The following MYO1B variants were observed in gnomAD, a reference collection of about 807,000 sequenced individuals.
The protein encoded by MYO1B is myosin IB.
A neutral mutation model predicts 159.7 loss-of-function variants in MYO1B; 72 were observed. That is an observed-to-expected ratio of 0.45 (90% CI 0.37 to 0.55). MYO1B has a LOEUF of 0.55. Among genes scored for constraint, MYO1B ranks in the 20% least tolerant of loss-of-function variants. The pLI is 0.00. For missense variants in MYO1B, 1,062 were observed against 1,364.8 expected (o/e 0.78, Z 3.50); for synonymous variants, 468 against 473.8 (o/e 0.99, Z 0.16).
At chr2:191,257,091 A>G (rs2356353) in intron 1 of MYO1B, among the ~76,000 whole-genome samples, 151,711 of 152,254 alleles carry the variant, frequency 1, 75,586 homozygotes, top group Non-Finnish European at 1. Flanking sequence ...TTCTTTACCT[A>G]CTGTCATGCA....
chr2:191,307,649 C>G, intron 3 of MYO1B, among the ~76,000 whole-genome samples: 1 of 152,114 alleles, frequency 6.6e-6, no homozygotes, highest in East Asian at 1.9e-4. Flanking sequence ...AGGTCAAAGG[C>G]TTAGTCCTAC....
At chr2:191,317,445 A>G (rs773142643) in intron 3 of MYO1B, among the ~76,000 whole-genome samples, 17 of 152,198 alleles carry the variant, frequency 1.1e-4, no homozygotes, top group East Asian at 1.9e-4. Flanking sequence ...AGGGCCTGCA[A>G]TGTTACTAGT....
intron 1 of MYO1B, among the ~76,000 whole-genome samples, chr2:191,275,364 C>A (rs932834580): frequency 2.0e-5 from 3 of 151,024 alleles, no homozygotes; most frequent in African/African-American, 4.9e-5. Flanking sequence ...TCTTTTTTGG[C>A]TTTTCATAGC....
intron 4 of MYO1B, among the ~76,000 whole-genome samples, chr2:191,340,732 G>GT (rs11437712): frequency 0.099 from 14,542 of 146,192 alleles, 2,271 homozygotes; most frequent in African/African-American, 0.34. Context: ...GGTTTTTGGT[G>GT]TTTTTTTTTT....
Position 191,297,008 on chromosome 2 carries a change from A to G in MYO1B, c.251+782A>G, listed in dbSNP as rs535412642. The stretch of plus-strand genomic sequence containing the variant: ...AAATATCTGAAAAAGAAAGTTGGAG[A>G]GAGAATACCCAGAAATTATCACAAA... On this transcript the variant is annotated intron_variant, in intron 3 of 30. Transcript: ENST00000392318. 2.0e-5 allele frequency among the ~76,000 whole-genome samples: 3 copies of G among 152,230 alleles called. No homozygotes were observed. The South Asian group carries it at 6.2e-4, about 32-fold the overall frequency.
chr2:191,342,528 C>A (rs1239258335), intron 5 of MYO1B, among the ~76,000 whole-genome samples: 1 of 152,144 alleles, frequency 6.6e-6, no homozygotes, highest in South Asian at 2.1e-4. Flanking sequence ...ATATCAAAGT[C>A]TTTCCCTACT....
intron 30 of MYO1B, among the ~76,000 whole-genome samples, chr2:191,422,817 TAGG>T (rs1698027363): frequency 6.6e-6 from 1 of 152,242 alleles, no homozygotes; most frequent in South Asian, 2.1e-4. Context: ...GATAATTTAA[TAGG>T]AGCCCCCTCC....
At chr2:191,400,601 C>A (rs1321720802) in intron 22 of MYO1B, 133 bp downstream of exon 22, 1 of 1,350,180 alleles carries the variant, frequency 7.4e-7, no homozygotes, top group Non-Finnish European at 1.0e-6. Flanking sequence ...TTGCTCTTTC[C>A]AACATTTTGT....
rs777990893 is a variant in MYO1B at position 191,247,287 on chromosome 2, C to T, written c.-10+1661C>T. On this transcript the variant is annotated intron_variant, in intron 1 of 30. Transcript: ENST00000392318. The stretch of plus-strand genomic sequence containing the variant: ...CTGCCTCTTTGACAAGCTGAGGGTC[C>T]GCCATTAAACCACCCCTTTGGCCAT... Among the ~76,000 whole-genome samples, 12 of 152,090 alleles carry T rather than the reference C, an allele frequency of 7.9e-5. No individual in the cohort carries two copies. The South Asian group carries it at 1.0e-3, about 13-fold the overall frequency.
At chr2:191,296,288 G>A in intron 3 of MYO1B, 62 bp downstream of exon 3, 3 of 804,086 alleles carry the variant, frequency 3.7e-6, no homozygotes, top group Non-Finnish European at 5.5e-6. Context: ...GTTGACAGAT[G>A]TGTGCAGCTG....
intron 1 of MYO1B, among the ~76,000 whole-genome samples, chr2:191,260,380 TTTGG>T (rs1686739094): frequency 2.0e-5 from 3 of 151,900 alleles, no homozygotes; most frequent in African/African-American, 7.2e-5. Context: ...TTTAAACTGT[TTTGG>T]TTGTTTTGGG....
intron 7 of MYO1B, among the ~76,000 whole-genome samples, chr2:191,351,585 T>G (rs1347111052): frequency 6.6e-6 from 1 of 152,206 alleles, no homozygotes; most frequent in Non-Finnish European, 1.5e-5. Flanking sequence ...ATTCTGTAGT[T>G]CTTAAATAAT....
At chr2:191,303,795 G>C (rs538641818) in intron 3 of MYO1B, among the ~76,000 whole-genome samples, 1 of 152,332 alleles carries the variant, frequency 6.6e-6, no homozygotes, top group Admixed American at 6.5e-5. Context: ...ACAGATTGTG[G>C]TCTGCAAGGC....
chr2:191,319,714 C>A (rs1370329269), intron 3 of MYO1B, among the ~76,000 whole-genome samples: 1 of 152,066 alleles, frequency 6.6e-6, no homozygotes, highest in Non-Finnish European at 1.5e-5. Flanking sequence ...TCTCTGGTGC[C>A]TAAGCAAAAT....
At position 191,402,662 on chromosome 2, in the gene MYO1B, G is replaced by T; in HGVS notation, c.2500G>T (p.Glu834Ter). The change falls in exon 24 of 31, where the codon GAG (glutamate) becomes TAG (stop). Residue 834 changes from glutamate (E) to a stop codon, truncating the protein, a stop_gained. Transcript: ENST00000392318. LOFTEE classifies it high-confidence loss of function. ...AAGGGAATTGAAACGCTTGAAGGAGGAGGCTAGGCGTAAGCATGCAGTTGC... is the reference window on the plus strand; with the variant it reads ...AAGGGAATTGAAACGCTTGAAGGAGTAGGCTAGGCGTAAGCATGCAGTTGC... ...ARRELKRLKE[E>*]ARRKHAVAVI... 9 of 1,613,774 alleles carry T rather than the reference G, an allele frequency of 5.6e-6. No homozygotes were observed. The highest frequency in any genetic ancestry group is 7.6e-6 in the Non-Finnish European group (9 of 1,179,792).
chr2:191,382,733 G>A (rs867143926), intron 14 of MYO1B, among the ~76,000 whole-genome samples: 19 of 152,324 alleles, frequency 1.2e-4, no homozygotes, highest in Middle Eastern at 6.8e-3. Flanking sequence ...AGAACCAGTG[G>A]ATAGATTTTC....
intron 4 of MYO1B, among the ~76,000 whole-genome samples, chr2:191,334,113 A>G (rs1244782788): frequency 7.2e-6 from 1 of 138,350 alleles, no homozygotes; most frequent in Non-Finnish European, 1.6e-5. Flanking sequence ...CTTTGTGACT[A>G]ACGGTTTTTT....
intron 2 of MYO1B, among the ~76,000 whole-genome samples, chr2:191,291,436 T>C (rs967131762): frequency 3.3e-5 from 5 of 151,434 alleles, no homozygotes; most frequent in African/African-American, 1.2e-4. Flanking sequence ...TGTTTTCTTC[T>C]CCCTCTTCCC....
chr2:191,336,915 C>T (rs144496076), intron 4 of MYO1B, among the ~76,000 whole-genome samples: 37 of 135,892 alleles, frequency 2.7e-4, no homozygotes, highest in African/African-American at 8.8e-4. Context: ...TAAATGTGTA[C>T]GAATAAATGT....
Sources: allele counts gnomAD v4.1 joint callset (sites outside exome capture counted in the v4.1 genomes callset), GRCh38; gene constraint gnomAD v4.1.1; transcripts MANE v1.5; gene names NCBI Gene and HGNC (gene_info 2026-07-23, HGNC 2026-07-21).